ADAMTS6: variants seen among roughly 807,000 people sequenced by gnomAD.
The protein encoded by ADAMTS6 is A disintegrin and metalloproteinase with thrombospondin motifs 6.
ADAMTS6 carries 23 observed loss-of-function variants against 144.3 expected under a neutral mutation model. That is an observed-to-expected ratio of 0.16 (90% CI 0.11 to 0.23). The LOEUF (loss-of-function observed/expected upper bound fraction) is 0.23, where lower values mean the gene tolerates loss of function less well. ADAMTS6 is among the 10% of genes least tolerant of loss of function. The pLI is 1.00. For missense variants in ADAMTS6, 999 were observed against 1,379.6 expected (o/e 0.72, Z 4.37); for synonymous variants, 444 against 457.5 (o/e 0.97, Z 0.38).
intron 24 of ADAMTS6, among the ~76,000 whole-genome samples, chr5:65,160,432 G>C (rs111408400): frequency 0.12 from 18,041 of 149,410 alleles, 1,525 homozygotes; most frequent in African/African-American, 0.24. Flanking sequence ...TCAGCCTCCC[G>C]AGTAGCTGGG....
At chr5:65,396,280 A>G (rs1753329123) in intron 7 of ADAMTS6, among the ~76,000 whole-genome samples, 1 of 152,190 alleles carries the variant, frequency 6.6e-6, no homozygotes, top group Non-Finnish European at 1.5e-5. Flanking sequence ...TTATGCATGC[A>G]TACAACCCTT....
intron 20 of ADAMTS6, among the ~76,000 whole-genome samples, chr5:65,207,249 C>A (rs912767825): frequency 6.6e-6 from 1 of 151,820 alleles, no homozygotes; most frequent in South Asian, 2.1e-4. Flanking sequence ...TTTTGCACTT[C>A]TATTCAAAGA....
At chr5:65,451,407 G>A in intron 7 of ADAMTS6, 68 bp downstream of exon 7, 1 of 1,589,268 alleles carries the variant, frequency 6.3e-7, no homozygotes. Flanking sequence ...GCTTTACATA[G>A]AACCAAATTT....
At position 65,335,108 on chromosome 5, in the gene ADAMTS6, T is replaced by C. The variant is rs185356381; in HGVS notation, c.1074-1023A>G. On this transcript the variant is annotated intron_variant, in intron 7 of 24. Transcript: ENST00000381055. ...TAGCAAATAATCCCATTCTTACTTA[T>C]CAATCACCAGACTAAATTGTATATT... Among the ~76,000 whole-genome samples, 359 of 152,262 alleles carry C rather than the reference T, an allele frequency of 2.4e-3. 1 individual carries two copies. Among genetic ancestry groups the C allele is most frequent in the African/African-American group, 8.1e-3 (335 of 41,568 alleles).
chr5:65,307,542 T>C (rs1744049196), intron 9 of ADAMTS6, among the ~76,000 whole-genome samples: 1 of 152,228 alleles, frequency 6.6e-6, no homozygotes, highest in Non-Finnish European at 1.5e-5. Flanking sequence ...TGATGAACTT[T>C]GCCCTTTTTT....
chr5:65,377,178 G>A (rs563596342), intron 7 of ADAMTS6, among the ~76,000 whole-genome samples: 19 of 152,288 alleles, frequency 1.2e-4, no homozygotes, highest in African/African-American at 4.1e-4. Flanking sequence ...TCTGGTGGGA[G>A]TGACAGAGAC....
chr5:65,476,026 G>A (rs1030740574), intron 1 of ADAMTS6, among the ~76,000 whole-genome samples: 1 of 140,012 alleles, frequency 7.1e-6, no homozygotes, highest in Non-Finnish European at 1.5e-5. Context: ...TGTCACTTTC[G>A]TTATTACATA....
chr5:65,377,589 C>A (rs907095752), intron 7 of ADAMTS6, among the ~76,000 whole-genome samples: 1 of 152,144 alleles, frequency 6.6e-6, no homozygotes, highest in Non-Finnish European at 1.5e-5. Flanking sequence ...AATGTTAACA[C>A]ATTGTTCACT....
chr5:65,466,199 T>C (rs1449209462), intron 3 of ADAMTS6, among the ~76,000 whole-genome samples: 1 of 152,186 alleles, frequency 6.6e-6, no homozygotes, highest in East Asian at 1.9e-4. Flanking sequence ...GATTCTATTT[T>C]GTGTCCCCTA....
Position 65,149,801 on chromosome 5 carries a change from C to T in ADAMTS6, c.*2035G>A, listed in dbSNP as rs1009880692. On this transcript the variant is annotated 3_prime_UTR_variant, in exon 25 of 25. Coordinates refer to ENST00000381055, the MANE Select transcript of ADAMTS6 (RefSeq NM_197941.4). Reference sequence around the variant, plus strand: ...AAAAGGCGCAAGGGAATTCAGTGCTCGGGCCATACTACCCATGGGCTGTTT... The same window carrying T: ...AAAAGGCGCAAGGGAATTCAGTGCTTGGGCCATACTACCCATGGGCTGTTT... 5 of 152,606 alleles carry T rather than the reference C, an allele frequency of 3.3e-5. No homozygotes were observed. The highest frequency in any genetic ancestry group is 1.2e-4 in the African/African-American group (5 of 41,424). 9.5% of individuals were successfully genotyped at this position (152,606 alleles called of 1,614,324 possible). A position where few individuals can be genotyped will look rare whatever the true frequency, so the allele number is the denominator to read the frequency against.
chr5:65,471,403 A>T (rs1484755148), intron 2 of ADAMTS6, among the ~76,000 whole-genome samples: 1 of 152,164 alleles, frequency 6.6e-6, no homozygotes, highest in Non-Finnish European at 1.5e-5. Flanking sequence ...CATGGATCCT[A>T]AGAGCTAAAT....
chr5:65,239,894 G>A (rs905743456), intron 15 of ADAMTS6, among the ~76,000 whole-genome samples: 1 of 152,110 alleles, frequency 6.6e-6, no homozygotes, highest in African/African-American at 2.4e-5. Context: ...AGACATTGTC[G>A]GTGAGAGTGA....
intron 20 of ADAMTS6, chr5:65,210,113 C>T: frequency 4.6e-6 from 1 of 219,444 alleles, no homozygotes; most frequent in Non-Finnish European, 9.7e-6. Context: ...CTATATTGGC[C>T]TGCTGCTGGC....
At chr5:65,325,023 G>A (rs1266049476) in intron 9 of ADAMTS6, among the ~76,000 whole-genome samples, 14 of 152,122 alleles carry the variant, frequency 9.2e-5, no homozygotes, top group Non-Finnish European at 1.6e-4. Flanking sequence ...TATGCTCAGC[G>A]GAAATACCTA....
At chr5:65,457,938 G>A (rs1759349177) in intron 4 of ADAMTS6, among the ~76,000 whole-genome samples, 1 of 151,624 alleles carries the variant, frequency 6.6e-6, no homozygotes, top group South Asian at 2.1e-4. Flanking sequence ...TGTTGGCCAG[G>A]ATGGTCTCGA....
chr5:65,470,735 C>T, intron 3 of ADAMTS6, 43 bp downstream of exon 3: 2 of 1,432,704 alleles, frequency 1.4e-6, no homozygotes. Context: ...TTGCAAAATT[C>T]TTATTTTCCC....
chr5:65,186,950 G>GT (rs1754710203), intron 22 of ADAMTS6, among the ~76,000 whole-genome samples: 1 of 152,138 alleles, frequency 6.6e-6, no homozygotes, highest in African/African-American at 2.4e-5. Flanking sequence ...CACTCAAGCA[G>GT]TAAGATTCAC....
chr5:65,177,522 C>G (rs1754052798), intron 22 of ADAMTS6, among the ~76,000 whole-genome samples: 1 of 152,076 alleles, frequency 6.6e-6, no homozygotes. Context: ...TGATAAAGAC[C>G]CTAGTGTCAA....
chr5:65,442,267 T>C (rs548268849), intron 7 of ADAMTS6, among the ~76,000 whole-genome samples: 2 of 152,214 alleles, frequency 1.3e-5, no homozygotes, highest in South Asian at 4.1e-4. Flanking sequence ...TAATAAGATA[T>C]TATAAACAAT....
Sources: gnomAD v4.1 joint callset for allele counts (sites outside exome capture counted in the v4.1 genomes callset) on GRCh38, gnomAD v4.1.1 for gene constraint, MANE v1.5 for transcripts, NCBI Gene and HGNC (gene_info 2026-07-23, HGNC 2026-07-21) for gene names.